The following SCD5 variants were observed in gnomAD, a reference collection of about 807,000 sequenced individuals.
SCD5 encodes the protein acyl-CoA-desaturase 4.
A neutral mutation model predicts 30.4 loss-of-function variants in SCD5; 20 were observed. The observed-to-expected ratio is 0.66, with a 90% CI of 0.46 to 0.96. SCD5 has a LOEUF of 0.96. Ranked by LOEUF, SCD5 falls within the 40% of genes least tolerant of loss-of-function variation. The probability of loss-of-function intolerance (pLI) is 0.00; values close to 1 mark genes in which losing one functional copy is unlikely to be tolerated. For synonymous variants in SCD5, 173 were observed against 176.4 expected, an observed-to-expected ratio of 0.98 and a Z score of 0.16; for missense variants, 381 against 443.3, an observed-to-expected ratio of 0.86 and a Z score of 1.26.
chr4:82,787,724 A>C (rs1191935563), intron 1 of SCD5, among the ~76,000 whole-genome samples: 1 of 152,140 alleles, frequency 6.6e-6, no homozygotes, highest in Non-Finnish European at 1.5e-5. Context: ...AGTGCCCTCT[A>C]AGGCACTAAG....
chr4:82,714,834 T>C (rs919928750), intron 1 of SCD5, among the ~76,000 whole-genome samples: 1 of 151,878 alleles, frequency 6.6e-6, no homozygotes, highest in South Asian at 2.1e-4. Flanking sequence ...TCTGAAAAAA[T>C]ATAAAATCTA....
intron 2 of SCD5, among the ~76,000 whole-genome samples, chr4:82,683,983 A>C (rs1728636182): frequency 6.6e-6 from 1 of 152,234 alleles, no homozygotes; most frequent in Non-Finnish European, 1.5e-5. Context: ...GAACTAATAC[A>C]TGGCTGTTTA....
intron 1 of SCD5, among the ~76,000 whole-genome samples, chr4:82,733,737 A>C (rs1720690990): frequency 6.6e-6 from 1 of 152,150 alleles, no homozygotes. Context: ...ATGCTCATGA[A>C]GCCTCTGTAC....
intron 2 of SCD5, among the ~76,000 whole-genome samples, chr4:82,693,451 T>C (rs1719610915): frequency 6.6e-6 from 1 of 152,226 alleles, no homozygotes; most frequent in Non-Finnish European, 1.5e-5. Context: ...ATCAACTTTT[T>C]TCTAGGCTAC....
chr4:82,758,121 G>T (rs1721270333), intron 1 of SCD5, among the ~76,000 whole-genome samples: 1 of 152,198 alleles, frequency 6.6e-6, no homozygotes, highest in Admixed American at 6.5e-5. Context: ...GGATGACAGT[G>T]AATCCAGAGC....
chr4:82,630,586 T>C lies in SCD5; in HGVS notation c.*741A>G, dbSNP rs1202582388. 6.6e-6 allele frequency: 1 copy of C among 152,256 alleles called. No individual in the cohort carries two copies. Among genetic ancestry groups the C allele is most frequent in the Non-Finnish European group, 1.5e-5 (1 of 68,054 alleles). 9.4% of individuals were successfully genotyped at this position (152,256 alleles called of 1,614,324 possible). ...TGTTCAAGCACATGACAACGTATAT[T>C]TGACGTATTTTAGCTATAGCGATTA... On this transcript the variant is annotated 3_prime_UTR_variant, in exon 5 of 5. Coordinates refer to ENST00000319540, the MANE Select transcript of SCD5 (RefSeq NM_001037582.3).
rs184348231 is a variant in SCD5, at chr4:82,790,370, C to T, written c.232+7936G>A. ...CTGAGCAGAGACCTCCAGCACGTCT[C>T]CCTCTCCACGTTATGTTCCTCTCTC... On this transcript the variant is annotated intron_variant, in intron 1 of 4. Coordinates refer to ENST00000319540, the MANE Select transcript of SCD5 (RefSeq NM_001037582.3). 6.6e-5 allele frequency among the ~76,000 whole-genome samples: 10 copies of T among 152,362 alleles called. No individual in the cohort carries two copies. The East Asian group carries it at 1.7e-3, about 26-fold the overall frequency.
rs549994658 is a variant in SCD5 at position 82,732,648 on chromosome 4, G to A, written c.233-27235C>T. Among the ~76,000 whole-genome samples, 81 of 152,170 alleles carry A rather than the reference G, an allele frequency of 5.3e-4. 2 individuals are homozygous for A. The highest frequency in any genetic ancestry group is 6.2e-4 in the South Asian group (3 of 4,832). On this transcript the variant is annotated intron_variant, in intron 1 of 4. Transcript: ENST00000319540. ...CCTCCCACCCTGAGGTAGAATAAGCGGGTTGGGTAATAAATGAATACAAAT... is the reference window on the plus strand; with the variant it reads ...CCTCCCACCCTGAGGTAGAATAAGCAGGTTGGGTAATAAATGAATACAAAT...
At chr4:82,771,434 G>T (rs1721618194) in intron 1 of SCD5, among the ~76,000 whole-genome samples, 1 of 152,188 alleles carries the variant, frequency 6.6e-6, no homozygotes, top group Non-Finnish European at 1.5e-5. Context: ...AAGAAGAAAA[G>T]AAAGAAACTA....
Position 82,771,114 on chromosome 4 carries a change from G to A in SCD5, c.232+27192C>T, listed in dbSNP as rs145612237. On this transcript the variant is annotated intron_variant, in intron 1 of 4. Coordinates refer to ENST00000319540, the MANE Select transcript of SCD5 (RefSeq NM_001037582.3). ...CCTGAGTAGCTGGAACTACAGGTGCGCACCACCATGCCTGGCTAATGTTTT... is the reference window on the plus strand; with the variant it reads ...CCTGAGTAGCTGGAACTACAGGTGCACACCACCATGCCTGGCTAATGTTTT... Among the ~76,000 whole-genome samples, 1,005 of 152,168 alleles carry A rather than the reference G, an allele frequency of 6.6e-3. 11 individuals are homozygous for A. Among genetic ancestry groups the A allele is most frequent in the African/African-American group, 0.023 (939 of 41,518 alleles).
At chr4:82,709,356 T>G (rs1720033672) in intron 1 of SCD5, among the ~76,000 whole-genome samples, 1 of 152,170 alleles carries the variant, frequency 6.6e-6, no homozygotes, top group Admixed American at 6.5e-5. Flanking sequence ...GCTGCTATTA[T>G]GTACCAGCCA....
In SCD5 at chr4:82,630,171, A is replaced by G. The variant is rs1289619569; in HGVS notation, c.*1156T>C. ...AACAAAATCAAACATCTAAACAGGC[A>G]TGATTTATAAGGTGGGCTGGCCATA... On this transcript the variant is annotated 3_prime_UTR_variant, in exon 5 of 5. Coordinates refer to ENST00000319540, the MANE Select transcript of SCD5 (RefSeq NM_001037582.3). The G allele has an allele frequency of 6.6e-6, 1 of 152,258 alleles. No individual in the cohort carries two copies. The highest frequency in any genetic ancestry group is 1.5e-5 in the Non-Finnish European group (1 of 68,050). 9.4% of individuals were successfully genotyped at this position (152,258 alleles called of 1,614,324 possible).
chr4:82,759,706 A>G (rs1425542694), intron 1 of SCD5, among the ~76,000 whole-genome samples: 2 of 150,904 alleles, frequency 1.3e-5, no homozygotes, highest in African/African-American at 4.9e-5. Context: ...AAATGCTCCT[A>G]CCTACCCTCC....
chr4:82,705,424 C>G lies in SCD5; in HGVS notation c.233-11G>C, dbSNP rs1209290150. The G allele has an allele frequency of 1.2e-6, 2 of 1,613,976 alleles. No individual in the cohort carries two copies. The highest frequency in any genetic ancestry group is 1.3e-5 in the African/African-American group (1 of 74,950). On this transcript the variant is annotated splice_polypyrimidine_tract_variant and intron_variant, in intron 1 of 4. Coordinates refer to ENST00000319540, the MANE Select transcript of SCD5 (RefSeq NM_001037582.3). ...GGAAGCAGAAGTAGGCTGCAAGACACAAGCAGGGACAACGTCAACAATGGT... is the reference window on the plus strand; with the variant it reads ...GGAAGCAGAAGTAGGCTGCAAGACAGAAGCAGGGACAACGTCAACAATGGT...
chr4:82,635,506 A>G (rs6832801), intron 4 of SCD5, among the ~76,000 whole-genome samples: 37,788 of 149,632 alleles, frequency 0.25, 6,181 homozygotes, highest in African/African-American at 0.42. Flanking sequence ...CTGTAGTCCC[A>G]GCTACTCGGG....
chr4:82,753,407 A>G (rs1213335848), intron 1 of SCD5: 1 of 532,376 alleles, frequency 1.9e-6, no homozygotes. Flanking sequence ...AGGTCATGAC[A>G]TAAGCCAGTG....
At chr4:82,769,453 AT>A (rs774814625) in intron 1 of SCD5, among the ~76,000 whole-genome samples, 2 of 152,050 alleles carry the variant, frequency 1.3e-5, no homozygotes, top group Admixed American at 6.6e-5. Flanking sequence ...AGGATTAGAG[AT>A]TTTTTTAATA....
intron 2 of SCD5, among the ~76,000 whole-genome samples, chr4:82,685,660 C>CT (rs35484099): frequency 0.93 from 141,017 of 151,360 alleles, 65,749 homozygotes; most frequent in East Asian, 1. Flanking sequence ...TTGCAGTGAG[C>CT]GAGATCACAC....
chr4:82,653,667 G>A (rs1727801344), intron 3 of SCD5, among the ~76,000 whole-genome samples: 1 of 31,088 alleles, frequency 3.2e-5, no homozygotes, highest in Non-Finnish European at 6.2e-5. Flanking sequence ...GGCAGAATTT[G>A]AAAGTCAATG....
Sources: gnomAD v4.1 joint callset for allele counts (sites outside exome capture counted in the v4.1 genomes callset) on GRCh38, gnomAD v4.1.1 for gene constraint, MANE v1.5 for transcripts, NCBI Gene and HGNC (gene_info 2026-07-23, HGNC 2026-07-21) for gene names.